The following ACKR2 variants were observed in gnomAD, a reference collection of about 807,000 sequenced individuals.
ACKR2 encodes the protein atypical chemokine receptor 2, also known as C-C chemokine receptor D6.
For synonymous variants in ACKR2, 207 were observed against 192.2 expected, an observed-to-expected ratio of 1.08 and a Z score of -0.64; for missense variants, 457 against 477.3, an observed-to-expected ratio of 0.96 and a Z score of 0.40.
intron 2 of ACKR2, among the ~76,000 whole-genome samples, chr3:42,830,243 G>T (rs928681617): frequency 6.6e-6 from 1 of 152,118 alleles, no homozygotes; most frequent in East Asian, 1.9e-4. Flanking sequence ...GAGGATGCTG[G>T]TCGTTAGCCT....
chr3:42,832,151 A>G (rs918310718), intron 2 of ACKR2, among the ~76,000 whole-genome samples: 11 of 152,138 alleles, frequency 7.2e-5, no homozygotes, highest in Non-Finnish European at 1.6e-4. Flanking sequence ...AATACCAGAA[A>G]GCCTCCATCT....
intron 2 of ACKR2, among the ~76,000 whole-genome samples, chr3:42,863,856 T>G (rs2088406705): frequency 6.6e-6 from 1 of 152,008 alleles, no homozygotes; most frequent in African/African-American, 2.4e-5. Flanking sequence ...TCTGGGCCTG[T>G]TGGGGGATTG....
intron 2 of ACKR2, among the ~76,000 whole-genome samples, chr3:42,833,243 C>G (rs1244910642): frequency 6.6e-6 from 1 of 151,780 alleles, no homozygotes; most frequent in African/African-American, 2.4e-5. Flanking sequence ...ACATTAAAGC[C>G]CTAAAGAGAA....
At chr3:42,835,987 GCTGT>G (rs1559687894) in intron 2 of ACKR2, 1 of 152,054 alleles carries the variant, frequency 6.6e-6, no homozygotes, top group Non-Finnish European at 1.5e-5. Context: ...TGCATTAGAA[GCTGT>G]CTGCCAGGTC....
At chr3:42,850,835 CG>C (rs1353190870) in intron 2 of ACKR2, 4 of 152,148 alleles carry the variant, frequency 2.6e-5, no homozygotes, top group African/African-American at 9.7e-5. Flanking sequence ...GAAGGGGAGT[CG>C]GGGAGAAGGG....
chr3:42,837,793 C>T (rs1289624829), intron 2 of ACKR2, among the ~76,000 whole-genome samples: 8 of 152,164 alleles, frequency 5.3e-5, no homozygotes, highest in African/African-American at 1.4e-4. Context: ...ATTAAATATA[C>T]GCTGTAGGCA....
intron 2 of ACKR2, among the ~76,000 whole-genome samples, chr3:42,822,047 A>C (rs986605732): frequency 1.3e-5 from 2 of 152,020 alleles, no homozygotes; most frequent in Non-Finnish European, 2.9e-5. Flanking sequence ...TTATCAATCA[A>C]AACTTTTGTT....
At chr3:42,828,090 A>ATTTTTTTT (rs200255129) in intron 2 of ACKR2, among the ~76,000 whole-genome samples, 3 of 91,870 alleles carry the variant, frequency 3.3e-5, no homozygotes, top group African/African-American at 8.5e-5. Context: ...ATATATATAT[A>ATTTTTTTT]TATTTTTTTT....
chr3:42,828,092 ATT>A (rs71072742), intron 2 of ACKR2, among the ~76,000 whole-genome samples: 4 of 121,894 alleles, frequency 3.3e-5, no homozygotes, highest in Admixed American at 2.4e-4. Flanking sequence ...ATATATATAT[ATT>A]TTTTTTTTTT....
At chr3:42,821,743 C>T (rs1433647714) in intron 2 of ACKR2, among the ~76,000 whole-genome samples, 1 of 151,998 alleles carries the variant, frequency 6.6e-6, no homozygotes, top group Admixed American at 6.6e-5. Flanking sequence ...GTCGCCCAGG[C>T]TGGAGTGCAG....
At position 42,824,087 on chromosome 3, in the gene ACKR2, G is replaced by T. The variant is rs138131587; in HGVS notation, c.-38+4376G>T. 5.6e-3 allele frequency among the ~76,000 whole-genome samples: 859 copies of T among 152,098 alleles called. 8 individuals carry two copies. Among genetic ancestry groups the T allele is most frequent in the African/African-American group, 0.02 (828 of 41,448 alleles). On this transcript the variant is annotated intron_variant, in intron 2 of 2. Transcript: ENST00000422265. ...CATAAATAAATGTGTTTAAACTTGG[G>T]TCTCATCCCATAGATATCTCATTAT...
rs772276319 is a variant in ACKR2 at position 42,833,043 on chromosome 3, T to C, written c.-38+13332T>C. Among the ~76,000 whole-genome samples the C allele has an allele frequency of 3.4e-4, 52 of 152,208 alleles. 1 individual carries two copies. The highest frequency in any genetic ancestry group is 5.9e-4 in the Non-Finnish European group (40 of 68,032). On this transcript the variant is annotated intron_variant, in intron 2 of 2. Transcript: ENST00000422265. The stretch of plus-strand genomic sequence containing the variant: ...CACACCCAGCTAATTTTTGTGTTTT[T>C]TGTAGAGATGAGGTTTCTCCACATT...
At chr3:42,861,800 G>A (rs1234525921) in intron 2 of ACKR2, among the ~76,000 whole-genome samples, 2 of 152,096 alleles carry the variant, frequency 1.3e-5, no homozygotes, top group Non-Finnish European at 2.9e-5. Context: ...AAAGGCCTTC[G>A]ATAAAATTCA....
intron 2 of ACKR2, among the ~76,000 whole-genome samples, chr3:42,845,862 A>G (rs1291757255): frequency 2.0e-5 from 3 of 151,502 alleles, no homozygotes; most frequent in Non-Finnish European, 2.9e-5. Context: ...AAAAAAAAAA[A>G]AAAGAAAAAA....
intron 2 of ACKR2, among the ~76,000 whole-genome samples, chr3:42,834,141 A>G (rs1389992263): frequency 1.3e-5 from 2 of 152,048 alleles, no homozygotes; most frequent in Non-Finnish European, 2.9e-5. Flanking sequence ...TATTTTTAGT[A>G]GAGATGGGGT....
At chr3:42,842,376 G>A (rs1701047591) in intron 2 of ACKR2, among the ~76,000 whole-genome samples, 2 of 152,174 alleles carry the variant, frequency 1.3e-5, no homozygotes, top group Non-Finnish European at 2.9e-5. Flanking sequence ...AGAGTGGTGA[G>A]TTGATTTATA....
chr3:42,850,163 T>A (rs1701137836), intron 2 of ACKR2, among the ~76,000 whole-genome samples: 1 of 152,120 alleles, frequency 6.6e-6, no homozygotes, highest in South Asian at 2.1e-4. Flanking sequence ...TATTGGAAAC[T>A]AGTGTTTGGC....
chr3:42,835,961 T>C (rs570048151), intron 2 of ACKR2: 1 of 152,210 alleles, frequency 6.6e-6, no homozygotes, highest in Admixed American at 6.5e-5. Context: ...AGAAGCACCC[T>C]AGAAGAGATG....
At chr3:42,836,022 C>T (rs1700985021) in intron 2 of ACKR2, 1 of 152,110 alleles carries the variant, frequency 6.6e-6, no homozygotes, top group Admixed American at 6.6e-5. Context: ...TATGCTTATT[C>T]TCTGGGTAGT....
Sources: allele counts gnomAD v4.1 joint callset (sites outside exome capture counted in the v4.1 genomes callset), GRCh38; gene constraint gnomAD v4.1.1; transcripts MANE v1.5; gene names NCBI Gene and HGNC (gene_info 2026-07-23, HGNC 2026-07-21).